Variants in SLC4A4 observed in about 807,000 individuals in gnomAD.
The protein encoded by SLC4A4 is solute carrier family 4 member 4, also known as electrogenic sodium bicarbonate cotransporter 1.
Under a neutral mutation model 111.5 loss-of-function variants are expected in SLC4A4, and 27 were observed. That is an observed-to-expected ratio of 0.24 (90% CI 0.18 to 0.33). The LOEUF is 0.33. Among genes scored for constraint, SLC4A4 ranks in the 10% least tolerant of loss-of-function variants. SLC4A4 has a pLI of 1.00. For synonymous variants in SLC4A4, 443 were observed against 463.4 expected (o/e 0.96, Z 0.57); for missense variants, 909 against 1,315.5 (o/e 0.69, Z 4.78).
chr4:71,556,625 C>T (rs1487587925), intron 21 of SLC4A4, among the ~76,000 whole-genome samples: 15 of 151,882 alleles, frequency 9.9e-5, no homozygotes, highest in Admixed American at 8.5e-4. Flanking sequence ...TGGCTTTTCT[C>T]TTTCTTTCTT....
chr4:71,096,029 T>C (rs1742535733), intron 2 of SLC4A4, among the ~76,000 whole-genome samples: 1 of 152,074 alleles, frequency 6.6e-6, no homozygotes, highest in Admixed American at 6.6e-5. Context: ...TGGAGGATTT[T>C]TGTCTCCTTT....
chr4:71,266,139 C>T (rs1722243504), intron 3 of SLC4A4, among the ~76,000 whole-genome samples: 1 of 152,122 alleles, frequency 6.6e-6, no homozygotes, highest in South Asian at 2.1e-4. Flanking sequence ...TGGTAGTCTG[C>T]CTGATGACAG....
intron 13 of SLC4A4, among the ~76,000 whole-genome samples, chr4:71,470,778 C>G (rs1333948635): frequency 6.6e-6 from 1 of 152,000 alleles, no homozygotes; most frequent in Non-Finnish European, 1.5e-5. Flanking sequence ...AGTCTGAAGG[C>G]TGTCTGCTGT....
chr4:71,143,465 G>C (rs190657651), intron 2 of SLC4A4, among the ~76,000 whole-genome samples: 41 of 152,246 alleles, frequency 2.7e-4, no homozygotes, highest in African/African-American at 9.6e-4. Context: ...TATATACCCA[G>C]TAATGGGATT....
At chr4:71,072,897 A>T (rs1741707109) in intron 1 of SLC4A4, among the ~76,000 whole-genome samples, 1 of 152,006 alleles carries the variant, frequency 6.6e-6, no homozygotes, top group Non-Finnish European at 1.5e-5. Flanking sequence ...TCTCCTGAGA[A>T]GCTGGGGCTA....
chr4:71,086,470 C>A (rs954312894), intron 1 of SLC4A4, among the ~76,000 whole-genome samples: 1 of 152,126 alleles, frequency 6.6e-6, no homozygotes, highest in Non-Finnish European at 1.5e-5. Flanking sequence ...AGAGGTCATC[C>A]GTGTCTTGTG....
chr4:71,517,030 CTT>C (rs1732468744), intron 16 of SLC4A4, among the ~76,000 whole-genome samples: 2 of 152,124 alleles, frequency 1.3e-5, no homozygotes, highest in Admixed American at 1.3e-4. Flanking sequence ...AAGATTTTCT[CTT>C]TGTATTATAT....
Position 71,546,423 on chromosome 4 carries a change from C to T in SLC4A4, c.2516C>T (p.Pro839Leu), listed in dbSNP as rs1456636968. ...GTTATATGCTCCCTCATGGCTCTTC[C>T]GTGGTATGTAGCTGCTACGGTCATC... is the stretch of plus-strand genomic sequence containing the variant. ...LMVICSLMAL[P>L]WYVAATVISI... Residue 839 changes from proline (P) to leucine (L), a missense_variant, in exon 19 of 26, where the codon CCG (proline) becomes CTG (leucine). Physicochemically the swap from Pro to Leu is moderately conservative, Grantham distance 98. Around this residue, in one of 7 missense-constraint regions of SLC4A4, gnomAD observed 104 missense variants for 219.5 expected, o/e 0.47. Coordinates refer to ENST00000264485, the MANE Select transcript of SLC4A4 (RefSeq NM_001098484.3). The T allele has an allele frequency of 1.9e-6, 3 of 1,612,734 alleles. No individual in the cohort carries two copies. Among genetic ancestry groups the T allele is most frequent in the Non-Finnish European group, 1.7e-6 (2 of 1,179,136 alleles).
intron 2 of SLC4A4, among the ~76,000 whole-genome samples, chr4:71,179,766 G>A (rs970259928): frequency 6.6e-6 from 1 of 152,134 alleles, no homozygotes; most frequent in African/African-American, 2.4e-5. Context: ...CATGAAAATG[G>A]CCATGCTGCC....
chr4:71,080,431 G>A (rs1336064249), intron 1 of SLC4A4, among the ~76,000 whole-genome samples: 1 of 152,022 alleles, frequency 6.6e-6, no homozygotes, highest in Non-Finnish European at 1.5e-5. Context: ...GTAAGTAAGA[G>A]TGCCTGCGCT....
chr4:71,407,399 G>A (rs1422176576), intron 7 of SLC4A4, among the ~76,000 whole-genome samples: 3 of 152,172 alleles, frequency 2.0e-5, no homozygotes, highest in Admixed American at 6.5e-5. Flanking sequence ...TATGATCTCA[G>A]ATTGTGAGTT....
chr4:71,374,443 T>C (rs960900066), intron 6 of SLC4A4, among the ~76,000 whole-genome samples: 1 of 152,196 alleles, frequency 6.6e-6, no homozygotes, highest in African/African-American at 2.4e-5. Flanking sequence ...GACTTTTTAG[T>C]TAACGTAAGA....
Position 71,454,559 on chromosome 4 carries a change from A to T in SLC4A4, c.1497+890A>T, listed in dbSNP as rs571723148. Among the ~76,000 whole-genome samples, 394 of 151,558 alleles carry T rather than the reference A, an allele frequency of 2.6e-3. 1 individual carries two copies. Among genetic ancestry groups the T allele is most frequent in the African/African-American group, 9.0e-3 (373 of 41,300 alleles). On this transcript the variant is annotated intron_variant, in intron 12 of 25. Transcript: ENST00000264485. ...ATGCCAGCCAGCTTATTTTTTTTTT[A>T]AATGCAGCTGATTCCATAGGATTGC...
At chr4:71,096,177 A>C (rs1180721837) in intron 2 of SLC4A4, among the ~76,000 whole-genome samples, 1 of 152,106 alleles carries the variant, frequency 6.6e-6, no homozygotes, top group Non-Finnish European at 1.5e-5. Flanking sequence ...GCATCATAGG[A>C]ACAAGGATTG....
chr4:71,491,769 A>T (rs1729941142), intron 15 of SLC4A4, among the ~76,000 whole-genome samples: 1 of 151,620 alleles, frequency 6.6e-6, no homozygotes, highest in South Asian at 2.1e-4. Flanking sequence ...TTTGATCTTT[A>T]TTTAGAAGTT....
rs760529597 is a variant in SLC4A4 at position 71,451,255 on chromosome 4, G to A, written c.1276G>A (p.Gly426Arg). Residue 426 changes from glycine to arginine, a missense_variant, in exon 11 of 26, where the codon GGA (glycine) becomes AGA (arginine). Physicochemically the swap from Gly to Arg is moderately radical, Grantham distance 125 (BLOSUM62 -2). Around this residue, in one of 7 missense-constraint regions of SLC4A4, gnomAD observed 312 missense variants for 402.0 expected, o/e 0.78. Transcript: ENST00000264485. ...GGATACGCCCCATGATGGAGGTCAC[G>A]GAGGAGGAGGACATGGGGATTGTGA... Reference protein sequence around the residue: ...NGDTPHDGGHGGGGHGDCEEL... With the variant: ...NGDTPHDGGHRGGGHGDCEEL... 2.0e-5 allele frequency: 32 copies of A among 1,612,718 alleles called. No individual in the cohort carries two copies. Among genetic ancestry groups the A allele is most frequent in the Middle Eastern group, 1.7e-4 (1 of 6,058 alleles).
At chr4:71,367,651 G>A (rs1208641422) in intron 6 of SLC4A4, among the ~76,000 whole-genome samples, 1 of 152,048 alleles carries the variant, frequency 6.6e-6, no homozygotes, top group African/African-American at 2.4e-5. Flanking sequence ...ATTTTTCTTA[G>A]TGCAATAAAA....
chr4:71,552,306 C>T (rs1361988678), intron 20 of SLC4A4, among the ~76,000 whole-genome samples: 1 of 151,696 alleles, frequency 6.6e-6, no homozygotes, highest in Non-Finnish European at 1.5e-5. Context: ...CTTTTGTGCC[C>T]ATGCTCTTAA....
intron 6 of SLC4A4, among the ~76,000 whole-genome samples, chr4:71,393,423 A>C (rs1382416475): frequency 1.3e-5 from 2 of 152,102 alleles, no homozygotes; most frequent in Non-Finnish European, 2.9e-5. Flanking sequence ...CAATAGCTGC[A>C]AAAAAATAAA....
Sources: allele counts gnomAD v4.1 joint callset (sites outside exome capture counted in the v4.1 genomes callset), GRCh38; gene constraint gnomAD v4.1.1; regional missense constraint gnomAD v4.1.1; transcripts MANE v1.5; gene names NCBI Gene and HGNC (gene_info 2026-07-23, HGNC 2026-07-21).